The following YWHAB variants were observed in gnomAD, a reference collection of about 807,000 sequenced individuals.
YWHAB encodes 14-3-3 protein beta/alpha.
In YWHAB, 2 loss-of-function variants were observed where a neutral mutation model predicts 28.5. The ratio of observed to expected loss-of-function variants is 0.07; its 90% confidence interval spans 0.03 to 0.22. The LOEUF (loss-of-function observed/expected upper bound fraction) is 0.22, where lower values mean the gene tolerates loss of function less well. YWHAB is among the 10% of genes least tolerant of loss of function. YWHAB has a pLI of 1.00. For synonymous variants in YWHAB, 103 were observed against 104.7 expected (o/e 0.98, Z 0.10); for missense variants, 148 against 297.1 (o/e 0.50, Z 3.69).
chr20:44,897,094 A>G (rs77021701), intron 1 of YWHAB, among the ~76,000 whole-genome samples: 1 of 152,276 alleles, frequency 6.6e-6, no homozygotes, highest in African/African-American at 2.4e-5. Context: ...TTATTTTGGG[A>G]AATAGGGAAG....
intron 4 of YWHAB, 93 bp downstream of exon 4, chr20:44,905,224 CT>C: frequency 1.5e-6 from 2 of 1,362,196 alleles, no homozygotes; most frequent in Non-Finnish European, 2.0e-6. Flanking sequence ...TTGTCTTGGA[CT>C]TTTTTTGAAA....
chr20:44,887,903 G>A (rs1393734352), intron 1 of YWHAB, among the ~76,000 whole-genome samples: 3 of 152,122 alleles, frequency 2.0e-5, no homozygotes, highest in African/African-American at 4.8e-5. Context: ...TTTTTAATCA[G>A]AGTTCACTAT....
chr20:44,906,354 C>T lies in YWHAB; in HGVS notation c.685-28C>T, dbSNP rs758119196. On this transcript the variant is annotated intron_variant, in intron 5 of 5. Coordinates refer to ENST00000353703, the MANE Select transcript of YWHAB (RefSeq NM_139323.4). ...ACCTAGGGAACTTTTAGTAGCCCTGCTTTGATTATACTTCCTTTCTCTTGC... is the reference window on the plus strand; with the variant it reads ...ACCTAGGGAACTTTTAGTAGCCCTGTTTTGATTATACTTCCTTTCTCTTGC... 5.0e-6 allele frequency: 8 copies of T among 1,612,364 alleles called. No homozygotes were observed. In the South Asian group the frequency reaches 8.8e-5, roughly 18 times the overall value.
chr20:44,890,500 CTTTTTTT>C (rs35619333), intron 1 of YWHAB, among the ~76,000 whole-genome samples: 5 of 86,388 alleles, frequency 5.8e-5, no homozygotes, highest in African/African-American at 8.9e-5. Context: ...TGGATTCCTA[CTTTTTTT>C]TTTTTTTTTT....
At chr20:44,904,919 A>G in intron 3 of YWHAB, 49 bp from the exon 4 acceptor site, 1 of 1,533,682 alleles carries the variant, frequency 6.5e-7, no homozygotes, top group Non-Finnish European at 8.8e-7. Context: ...CCAATGTGTG[A>G]TACCTATGAA....
At chr20:44,905,313 T>C (rs1236908637) in intron 4 of YWHAB, 182 bp downstream of exon 4, 2 of 516,114 alleles carry the variant, frequency 3.9e-6, no homozygotes, top group Non-Finnish European at 6.3e-6. Context: ...CTCAATACCT[T>C]CTGCTGACTT....
At chr20:44,893,002 A>G (rs2066572251) in intron 1 of YWHAB, among the ~76,000 whole-genome samples, 1 of 152,210 alleles carries the variant, frequency 6.6e-6, no homozygotes, top group Non-Finnish European at 1.5e-5. Flanking sequence ...ACATAGCTGA[A>G]AGCCAGTGCT....
chr20:44,901,219 G>A (rs1339360489), intron 1 of YWHAB, among the ~76,000 whole-genome samples: 2 of 152,170 alleles, frequency 1.3e-5, no homozygotes, highest in East Asian at 3.8e-4. Context: ...TTTGCATGTT[G>A]CTCTGGGCAT....
chr20:44,905,325 G>A (rs1307198694), intron 4 of YWHAB, 194 bp downstream of exon 4: 1 of 486,448 alleles, frequency 2.1e-6, no homozygotes, highest in East Asian at 3.6e-5. Flanking sequence ...TGCTGACTTT[G>A]TTTGATTACT....
At chr20:44,899,519 T>C (rs1368313998) in intron 1 of YWHAB, among the ~76,000 whole-genome samples, 2 of 152,206 alleles carry the variant, frequency 1.3e-5, no homozygotes, top group African/African-American at 4.8e-5. Flanking sequence ...CTGACATTAC[T>C]ACTACTGTTT....
At chr20:44,899,469 G>A (rs750200673) in intron 1 of YWHAB, among the ~76,000 whole-genome samples, 1 of 152,284 alleles carries the variant, frequency 6.6e-6, no homozygotes, top group Middle Eastern at 3.4e-3. Context: ...GACAGAGTGA[G>A]ACTCTGTCTC....
intron 1 of YWHAB, among the ~76,000 whole-genome samples, chr20:44,887,969 C>T (rs1229892962): frequency 6.6e-6 from 1 of 152,182 alleles, no homozygotes; most frequent in African/African-American, 2.4e-5. Flanking sequence ...GCTTTGTACA[C>T]ATGTTGCTTT....
chr20:44,905,187 AC>A, intron 4 of YWHAB, 56 bp downstream of exon 4: 1 of 1,520,794 alleles, frequency 6.6e-7, no homozygotes. Context: ...TGTGTTATTA[AC>A]TTCATTTTAT....
intron 1 of YWHAB, among the ~76,000 whole-genome samples, chr20:44,900,381 G>T (rs1335166936): frequency 6.6e-6 from 1 of 152,190 alleles, no homozygotes. Context: ...TTTAACCAAG[G>T]TCATGCCACT....
chr20:44,886,240 G>A (rs963370999), intron 1 of YWHAB: 5 of 152,390 alleles, frequency 3.3e-5, no homozygotes, highest in African/African-American at 9.6e-5. Flanking sequence ...TGGTCGGCAA[G>A]AACGTCCCCT....
rs2066660847 is a variant in YWHAB, at chr20:44,906,845, T to G, written c.*407T>G. The G allele has an allele frequency of 6.3e-6, 1 of 159,820 alleles. No individual in the cohort carries two copies. The highest frequency in any genetic ancestry group is 1.4e-5 in the Non-Finnish European group (1 of 71,876). 9.9% of individuals were successfully genotyped at this position (159,820 alleles called of 1,614,324 possible). The stretch of plus-strand genomic sequence containing the variant: ...TTGAAATACAATTCCATTGTAAAGT[T>G]GTACAGAAAGTTATAGAGATTATAT... On this transcript the variant is annotated 3_prime_UTR_variant, in exon 6 of 6. Coordinates refer to ENST00000353703, the MANE Select transcript of YWHAB (RefSeq NM_139323.4).
rs60133187 is a variant in YWHAB, at chr20:44,894,223, A to G, written c.-3-7308A>G. On this transcript the variant is annotated intron_variant, in intron 1 of 5. Transcript: ENST00000353703. ...CCTGAAATATGCCCAGCACAAGGAA[A>G]ATCTCTTGGCTTACTGCAGGGTTGG... Among the ~76,000 whole-genome samples, 1,223 of 152,290 alleles carry G rather than the reference A, an allele frequency of 8.0e-3. 19 individuals carry two copies. The highest frequency in any genetic ancestry group is 0.027 in the African/African-American group (1,135 of 41,554).
chr20:44,903,863 G>T, intron 2 of YWHAB, 130 bp from the exon 3 acceptor site: 1 of 1,032,976 alleles, frequency 9.7e-7, no homozygotes, highest in Non-Finnish European at 1.4e-6. Flanking sequence ...TTAGTAGCTT[G>T]GATGAAAAAT....
rs763376032 is a variant in YWHAB at position 44,901,640 on chromosome 20, A to G, written c.107A>G (p.His36Arg). The G allele has an allele frequency of 1.5e-5, 25 of 1,614,220 alleles. 1 individual carries two copies. The highest frequency in any genetic ancestry group is 9.9e-5 in the South Asian group (9 of 91,088). Residue 36 changes from histidine to arginine, a missense_variant, in exon 2 of 6, where the codon CAT (histidine) becomes CGT (arginine). His to Arg is a conservative substitution (Grantham distance 29). Transcript: ENST00000353703. ...ATGAAGGCAGTCACAGAACAGGGGC[A>G]TGAACTCTCCAACGAAGAGAGAAAT... ...AAMKAVTEQG[H>R]ELSNEERNLL...
Sources: allele counts gnomAD v4.1 joint callset (sites outside exome capture counted in the v4.1 genomes callset), GRCh38; gene constraint gnomAD v4.1.1; transcripts MANE v1.5; gene names NCBI Gene and HGNC (gene_info 2026-07-23, HGNC 2026-07-21).